NEGR1: variants seen among roughly 807,000 people sequenced by gnomAD.
NEGR1 encodes the protein neuronal growth regulator 1.
Under a neutral mutation model 40.9 loss-of-function variants are expected in NEGR1, and 10 were observed. That is an observed-to-expected ratio of 0.24 (90% CI 0.15 to 0.42). NEGR1 has a LOEUF of 0.42. Ranked by LOEUF, NEGR1 falls within the 10% of genes least tolerant of loss-of-function variation. NEGR1 has a pLI of 1.00. For synonymous variants in NEGR1, 185 were observed against 166.8 expected, an observed-to-expected ratio of 1.11 and a Z score of -0.84; for missense variants, 352 against 438.9, an observed-to-expected ratio of 0.80 and a Z score of 1.77.
chr1:71,922,727 A>G (rs1340618615), intron 2 of NEGR1, among the ~76,000 whole-genome samples: 2 of 152,222 alleles, frequency 1.3e-5, no homozygotes, highest in Non-Finnish European at 2.9e-5. Flanking sequence ...AAGAAAGATT[A>G]TAACTCAGAT....
chr1:72,180,560 T>C (rs899943533), intron 1 of NEGR1, among the ~76,000 whole-genome samples: 1 of 151,882 alleles, frequency 6.6e-6, no homozygotes, highest in Non-Finnish European at 1.5e-5. Flanking sequence ...TTATAAACAA[T>C]ATATCTGATA....
At chr1:71,954,053 A>G (rs895021168) in intron 1 of NEGR1, among the ~76,000 whole-genome samples, 22 of 152,034 alleles carry the variant, frequency 1.4e-4, no homozygotes, top group African/African-American at 5.1e-4. Flanking sequence ...ATTTCACTGC[A>G]TTAGAATTTG....
At chr1:71,905,388 AT>A (rs1661249427) in intron 2 of NEGR1, among the ~76,000 whole-genome samples, 1 of 151,802 alleles carries the variant, frequency 6.6e-6, no homozygotes, top group East Asian at 1.9e-4. Flanking sequence ...ATCTAATCTC[AT>A]TTTTTATCTA....
intron 6 of NEGR1, among the ~76,000 whole-genome samples, chr1:71,522,753 AC>A: frequency 6.7e-6 from 1 of 149,422 alleles, no homozygotes; most frequent in South Asian, 2.1e-4. Context: ...ACACACACAC[AC>A]ACGCACAATA....
chr1:72,103,823 A>C (rs1359284184), intron 1 of NEGR1, among the ~76,000 whole-genome samples: 1 of 152,094 alleles, frequency 6.6e-6, no homozygotes, highest in Non-Finnish European at 1.5e-5. Context: ...AAGAAGTAGG[A>C]AAACTCTTAG....
chr1:71,897,200 C>T (rs574627601), intron 2 of NEGR1, among the ~76,000 whole-genome samples: 3 of 152,176 alleles, frequency 2.0e-5, no homozygotes, highest in Admixed American at 6.5e-5. Flanking sequence ...ATTATTGTCT[C>T]TGTTTTCCAT....
chr1:71,955,814 T>C (rs1476478202), intron 1 of NEGR1, among the ~76,000 whole-genome samples: 1 of 152,120 alleles, frequency 6.6e-6, no homozygotes, highest in Admixed American at 6.6e-5. Flanking sequence ...TTCTGGCCGA[T>C]AGCACGAAAT....
At chr1:71,976,539 G>A (rs1454972643) in intron 1 of NEGR1, among the ~76,000 whole-genome samples, 3 of 152,094 alleles carry the variant, frequency 2.0e-5, no homozygotes, top group Non-Finnish European at 2.9e-5. Context: ...ACTGGCTCCC[G>A]GCTATAGGAG....
At chr1:72,124,574 T>C (rs796671565) in intron 1 of NEGR1, among the ~76,000 whole-genome samples, 3 of 152,076 alleles carry the variant, frequency 2.0e-5, no homozygotes, top group African/African-American at 7.2e-5. Context: ...GGCTCACAAA[T>C]TTGGGATTAT....
chr1:72,154,039 T>G (rs973038970), intron 1 of NEGR1, among the ~76,000 whole-genome samples: 1 of 151,806 alleles, frequency 6.6e-6, no homozygotes, highest in African/African-American at 2.4e-5. Context: ...GAGTGTTGAA[T>G]GAGTGGAGAC....
At chr1:71,671,910 T>G in intron 4 of NEGR1, among the ~76,000 whole-genome samples, 1 of 141,840 alleles carries the variant, frequency 7.1e-6, no homozygotes, top group Admixed American at 6.8e-5. Flanking sequence ...TTTTTTTTTT[T>G]TGTTTTAAGA....
At chr1:71,412,251 T>A (rs1159502315) in intron 6 of NEGR1, among the ~76,000 whole-genome samples, 2 of 152,128 alleles carry the variant, frequency 1.3e-5, no homozygotes, top group Non-Finnish European at 2.9e-5. Flanking sequence ...TTACCTCATG[T>A]CCTTTGTGCA....
chr1:71,567,929 C>A (rs536134183), intron 6 of NEGR1, among the ~76,000 whole-genome samples: 7 of 152,118 alleles, frequency 4.6e-5, no homozygotes, highest in Admixed American at 1.3e-4. Flanking sequence ...GGAAGAGGGC[C>A]CTCACCCGAA....
At chr1:72,276,383 G>C (rs936560398) in intron 1 of NEGR1, among the ~76,000 whole-genome samples, 2 of 151,990 alleles carry the variant, frequency 1.3e-5, no homozygotes, top group African/African-American at 4.8e-5. Context: ...TGTATGAATT[G>C]TCTTAGCATT....
chr1:72,112,870 G>C (rs1228038941), intron 1 of NEGR1, among the ~76,000 whole-genome samples: 2 of 151,422 alleles, frequency 1.3e-5, no homozygotes, highest in Non-Finnish European at 3.0e-5. Flanking sequence ...TTGGTGTTTT[G>C]CAAAATCTTT....
intron 6 of NEGR1, among the ~76,000 whole-genome samples, chr1:71,509,081 A>T (rs1647055619): frequency 6.6e-6 from 1 of 152,202 alleles, no homozygotes; most frequent in Admixed American, 6.5e-5. Context: ...AGAAATTGAG[A>T]CAGGGTAAGG....
chr1:71,906,317 A>G (rs1661273589), intron 2 of NEGR1, among the ~76,000 whole-genome samples: 1 of 152,026 alleles, frequency 6.6e-6, no homozygotes, highest in African/African-American at 2.4e-5. Flanking sequence ...GTGCACCAAA[A>G]TCTCAGAAAT....
At chr1:71,675,126 T>TATATATATATATATACACACAC in intron 4 of NEGR1, among the ~76,000 whole-genome samples, 1 of 77,830 alleles carries the variant, frequency 1.3e-5, no homozygotes, top group African/African-American at 4.1e-5. Context: ...TATATATATA[T>TATATATATATATATACACACAC]ACACACACAC....
chr1:72,144,289 C>A (rs1650824275), intron 1 of NEGR1, among the ~76,000 whole-genome samples: 1 of 151,578 alleles, frequency 6.6e-6, no homozygotes. Flanking sequence ...TTGTACTAGA[C>A]TATGGGTATA....
Sources: gnomAD v4.1 joint callset for allele counts (sites outside exome capture counted in the v4.1 genomes callset) on GRCh38, gnomAD v4.1.1 for gene constraint, MANE v1.5 for transcripts, NCBI Gene and HGNC (gene_info 2026-07-23, HGNC 2026-07-21) for gene names.